Variants in XKR4 observed in about 807,000 individuals in gnomAD.
The protein encoded by XKR4 is XK related 4.
A neutral mutation model predicts 53.9 loss-of-function variants in XKR4; 12 were observed. That is an observed-to-expected ratio of 0.22 (90% CI 0.14 to 0.36). XKR4 has a LOEUF of 0.36. Ranked by LOEUF, XKR4 falls within the 10% of genes least tolerant of loss-of-function variation. The probability of loss-of-function intolerance (pLI) is 1.00; values close to 1 mark genes in which losing one functional copy is unlikely to be tolerated. For synonymous variants in XKR4, 354 were observed against 362.4 expected, an observed-to-expected ratio of 0.98 and a Z score of 0.26; for missense variants, 799 against 859.5, an observed-to-expected ratio of 0.93 and a Z score of 0.88.
intron 2 of XKR4, among the ~76,000 whole-genome samples, chr8:55,422,025 G>A (rs1037229229): frequency 1.3e-5 from 2 of 152,098 alleles, no homozygotes; most frequent in African/African-American, 4.8e-5. Flanking sequence ...GAGCTTTAAG[G>A]CATAAAACAA....
At chr8:55,257,206 A>G (rs1016814647) in intron 1 of XKR4, among the ~76,000 whole-genome samples, 3 of 152,216 alleles carry the variant, frequency 2.0e-5, no homozygotes, top group African/African-American at 7.2e-5. Flanking sequence ...TAAAGCCCAT[A>G]TATAGCTTCA....
chr8:55,482,314 T>C (rs199626086), intron 2 of XKR4, among the ~76,000 whole-genome samples: 2 of 151,912 alleles, frequency 1.3e-5, no homozygotes, highest in African/African-American at 2.4e-5. Context: ...CCAAACACCG[T>C]ATGTTCTCAC....
At chr8:55,501,445 A>C (rs1385799565) in intron 2 of XKR4, among the ~76,000 whole-genome samples, 1 of 151,004 alleles carries the variant, frequency 6.6e-6, no homozygotes, top group African/African-American at 2.5e-5. Flanking sequence ...CCCATCAAAC[A>C]CTAACTGTTA....
intron 1 of XKR4, among the ~76,000 whole-genome samples, chr8:55,224,943 T>C (rs1234471110): frequency 6.6e-6 from 1 of 152,214 alleles, no homozygotes; most frequent in Non-Finnish European, 1.5e-5. Flanking sequence ...AAGAATTAGG[T>C]GTTTTCTGTT....
chr8:55,464,038 A>G (rs189335198), intron 2 of XKR4, among the ~76,000 whole-genome samples: 3 of 152,282 alleles, frequency 2.0e-5, no homozygotes, highest in African/African-American at 7.2e-5. Flanking sequence ...GCAAAATTCT[A>G]CCAGAGATAC....
chr8:55,388,270 T>C (rs1023524756), intron 2 of XKR4, among the ~76,000 whole-genome samples: 2 of 152,214 alleles, frequency 1.3e-5, no homozygotes, highest in Admixed American at 6.5e-5. Flanking sequence ...CTCAACAAGA[T>C]AATTTCCTTT....
At chr8:55,289,659 A>AAGG (rs1318365954) in intron 1 of XKR4, among the ~76,000 whole-genome samples, 10 of 103,586 alleles carry the variant, frequency 9.7e-5, no homozygotes, top group South Asian at 3.9e-4. Flanking sequence ...GGAAGGAAGG[A>AAGG]AAAGAAAAGA....
chr8:55,272,555 T>C (rs1429396858), intron 1 of XKR4, among the ~76,000 whole-genome samples: 1 of 152,120 alleles, frequency 6.6e-6, no homozygotes, highest in Non-Finnish European at 1.5e-5. Context: ...CTTCATACCA[T>C]ATTTCTGTTT....
intron 1 of XKR4, chr8:55,161,550 A>G (rs1563471803): frequency 8.8e-6 from 4 of 456,278 alleles, no homozygotes; most frequent in South Asian, 6.2e-5. Flanking sequence ...ACCTCCCACT[A>G]CTGCTGCTGT....
At chr8:55,428,012 A>G (rs1054556975) in intron 2 of XKR4, among the ~76,000 whole-genome samples, 4 of 152,190 alleles carry the variant, frequency 2.6e-5, no homozygotes, top group Admixed American at 2.6e-4. Context: ...AATTGTATTG[A>G]GACAAATAGA....
At chr8:55,177,779 G>T (rs576591294) in intron 1 of XKR4, among the ~76,000 whole-genome samples, 5 of 152,264 alleles carry the variant, frequency 3.3e-5, no homozygotes, top group African/African-American at 1.2e-4. Context: ...CTTTGAGATG[G>T]TTCCAATTTG....
At chr8:55,119,605 C>CTT (rs1163034014) in intron 1 of XKR4, among the ~76,000 whole-genome samples, 79 of 152,194 alleles carry the variant, frequency 5.2e-4, no homozygotes, top group African/African-American at 1.8e-3. Flanking sequence ...CAATGAGTGT[C>CTT]AGGGGAGGCT....
chr8:55,459,187 T>C (rs983593082), intron 2 of XKR4, among the ~76,000 whole-genome samples: 1 of 152,080 alleles, frequency 6.6e-6, no homozygotes, highest in Admixed American at 6.5e-5. Flanking sequence ...AGGAGAGTAA[T>C]TTCAACAAAT....
Position 55,197,258 on chromosome 8 carries a change from A to G in XKR4, c.806+93964A>G, listed in dbSNP as rs560183529. On this transcript the variant is annotated intron_variant, in intron 1 of 2. Transcript: ENST00000327381. ...TAATCTGATTCTCTCCTGCTTTGTG[A>G]TTCTTTGAATGGGTTGTCTCCACAC... Among the ~76,000 whole-genome samples, 3 of 152,222 alleles carry G rather than the reference A, an allele frequency of 2.0e-5. No individual in the cohort carries two copies. The East Asian group carries it at 5.8e-4, about 29-fold the overall frequency.
At chr8:55,388,178 C>T (rs935155341) in intron 2 of XKR4, among the ~76,000 whole-genome samples, 12 of 152,152 alleles carry the variant, frequency 7.9e-5, no homozygotes, top group Non-Finnish European at 1.8e-4. Context: ...TAAACATTTA[C>T]CTTCTTTTCA....
chr8:55,178,631 A>T (rs932283794), intron 1 of XKR4, among the ~76,000 whole-genome samples: 1 of 152,164 alleles, frequency 6.6e-6, no homozygotes, highest in Admixed American at 6.5e-5. Flanking sequence ...TGAGCTGACC[A>T]TCAGAACTAG....
At chr8:55,276,828 C>A (rs911773708) in intron 1 of XKR4, among the ~76,000 whole-genome samples, 13 of 151,952 alleles carry the variant, frequency 8.6e-5, no homozygotes, top group African/African-American at 2.9e-4. Flanking sequence ...ATTTTTTTTG[C>A]AAATTCCAGA....
chr8:55,450,389 C>T, intron 2 of XKR4: 2 of 608,254 alleles, frequency 3.3e-6, no homozygotes, highest in Non-Finnish European at 2.9e-6. Flanking sequence ...TCCTCGGGTG[C>T]ATTCATGTAG....
intron 1 of XKR4, among the ~76,000 whole-genome samples, chr8:55,219,011 C>CTTTT (rs5891562): frequency 1.3e-3 from 188 of 146,014 alleles, no homozygotes; most frequent in Admixed American, 3.8e-3. Context: ...TAGAAGCAGT[C>CTTTT]TTTTTTTTTT....
Sources: allele counts gnomAD v4.1 joint callset (sites outside exome capture counted in the v4.1 genomes callset), GRCh38; gene constraint gnomAD v4.1.1; transcripts MANE v1.5; gene names NCBI Gene and HGNC (gene_info 2026-07-23, HGNC 2026-07-21).